Variants in RALGPS1 observed in about 807,000 individuals in gnomAD.
The protein encoded by RALGPS1 is ras-specific guanine nucleotide-releasing factor RalGPS1.
Under a neutral mutation model 78.8 loss-of-function variants are expected in RALGPS1, and 19 were observed. That is an observed-to-expected ratio of 0.24 (90% CI 0.17 to 0.35). The LOEUF is 0.35. Ranked by LOEUF, RALGPS1 falls within the 10% of genes least tolerant of loss-of-function variation. The pLI is 1.00. For synonymous variants in RALGPS1, 228 were observed against 256.3 expected (o/e 0.89, Z 1.06); for missense variants, 454 against 688.3 (o/e 0.66, Z 3.81).
intron 1 of RALGPS1, among the ~76,000 whole-genome samples, chr9:126,921,138 G>T (rs556678183): frequency 4.6e-5 from 7 of 152,346 alleles, no homozygotes; most frequent in African/African-American, 1.4e-4. Flanking sequence ...GAACCAAGAA[G>T]CACCTCTTGA....
chr9:127,103,594 G>C (rs139496742), intron 8 of RALGPS1, among the ~76,000 whole-genome samples: 6 of 152,312 alleles, frequency 3.9e-5, no homozygotes, highest in African/African-American at 1.2e-4. Flanking sequence ...TCAGGTGCAC[G>C]TTGTACTTTC....
chr9:127,033,779 T>C lies in RALGPS1; in HGVS notation c.217-652T>C, dbSNP rs140080115. 7.9e-3 allele frequency among the ~76,000 whole-genome samples: 1,203 copies of C among 152,340 alleles called. 12 individuals carry two copies. The highest frequency in any genetic ancestry group is 0.051 in the South Asian group (244 of 4,826). ...TCCCTTGGCTAAGAGCCAGCCTTAC[T>C]GATAAATAAAATCTAGATAATTCAG... is the stretch of plus-strand genomic sequence containing the variant. On this transcript the variant is annotated intron_variant, in intron 4 of 18. Transcript: ENST00000259351.
chr9:127,180,382 C>T (rs970979025), intron 11 of RALGPS1, among the ~76,000 whole-genome samples: 3 of 152,226 alleles, frequency 2.0e-5, no homozygotes, highest in Non-Finnish European at 2.9e-5. Context: ...GACACACCTG[C>T]GTGTCTCCCT....
chr9:127,073,466 C>CTGTGTGTGTGTGTG (rs58611833), intron 8 of RALGPS1, among the ~76,000 whole-genome samples: 4,460 of 142,862 alleles, frequency 0.031, 89 homozygotes, highest in East Asian at 0.043. Flanking sequence ...GTGTGTGTGT[C>CTGTGTGTGTGTGTG]TGTGTGTGTG....
chr9:127,197,761 G>A (rs1203269660), intron 13 of RALGPS1, among the ~76,000 whole-genome samples: 2 of 152,164 alleles, frequency 1.3e-5, no homozygotes, highest in Non-Finnish European at 2.9e-5. Context: ...AGAGTTCCAG[G>A]TCATGCATGG....
At chr9:126,939,128 A>G (rs1431334233) in intron 1 of RALGPS1, among the ~76,000 whole-genome samples, 1 of 152,176 alleles carries the variant, frequency 6.6e-6, no homozygotes, top group Non-Finnish European at 1.5e-5. Context: ...TGTTCCCCTG[A>G]TGGGCTCTGT....
At chr9:127,000,881 A>T (rs1268548152) in intron 4 of RALGPS1, among the ~76,000 whole-genome samples, 1 of 151,610 alleles carries the variant, frequency 6.6e-6, no homozygotes, top group East Asian at 1.9e-4. Context: ...ATTCCATTGT[A>T]GTTAGAGAAC....
In RALGPS1 at chr9:127,044,929, T is replaced by A. The variant is rs527454550; in HGVS notation, c.301-5114T>A. Among the ~76,000 whole-genome samples, 5 of 152,348 alleles carry A rather than the reference T, an allele frequency of 3.3e-5. No homozygotes were observed. The East Asian group carries it at 9.6e-4, about 29-fold the overall frequency. ...AGCAAAGAAAATGTTCTTGCTAGCATAAATCAAGTTATCAACATGATTATA... is the reference window on the plus strand; with the variant it reads ...AGCAAAGAAAATGTTCTTGCTAGCAAAAATCAAGTTATCAACATGATTATA... On this transcript the variant is annotated intron_variant, in intron 5 of 18. Coordinates refer to ENST00000259351, the MANE Select transcript of RALGPS1 (RefSeq NM_014636.3).
intron 4 of RALGPS1, among the ~76,000 whole-genome samples, chr9:127,003,061 C>G (rs2043492050): frequency 6.6e-6 from 1 of 152,170 alleles, no homozygotes; most frequent in Non-Finnish European, 1.5e-5. Context: ...ACAGTCCCAC[C>G]AACAGTGTAA....
rs1398837676 is a variant in RALGPS1, at chr9:126,982,893, T to G, written c.216+5148T>G. ...TTCTTCCTCTTCCCCTTCCCCTTCT[T>G]CTCTTCTTTTCTTCTTCTTCTTCTT... is the stretch of plus-strand genomic sequence containing the variant. On this transcript the variant is annotated intron_variant, in intron 4 of 18. Transcript: ENST00000259351. Among the ~76,000 whole-genome samples the G allele has an allele frequency of 1.2e-4, 18 of 144,482 alleles. No homozygotes were observed. In the East Asian group the frequency reaches 3.6e-3, roughly 29 times the overall value. 94.8% of individuals were successfully genotyped at this position (144,482 alleles called of 152,430 possible).
At chr9:126,941,235 C>CTA (rs1425792262) in intron 1 of RALGPS1, among the ~76,000 whole-genome samples, 2 of 151,220 alleles carry the variant, frequency 1.3e-5, no homozygotes, top group East Asian at 4.0e-4. Context: ...TGGATAAGAT[C>CTA]TAGTATTTGA....
In RALGPS1 at chr9:126,918,130, A is replaced by G. The variant is rs556783238; in HGVS notation, c.-66+3155A>G. Reference sequence around the variant, plus strand: ...TATGGTTTCTGTACCCTTAACATACATTTTATTTATTGCACAAAAATATTG... The same window carrying G: ...TATGGTTTCTGTACCCTTAACATACGTTTTATTTATTGCACAAAAATATTG... On this transcript the variant is annotated intron_variant, in intron 1 of 18. Coordinates refer to ENST00000259351, the MANE Select transcript of RALGPS1 (RefSeq NM_014636.3). Among the ~76,000 whole-genome samples, 28 of 152,324 alleles carry G rather than the reference A, an allele frequency of 1.8e-4. No homozygotes were observed. The Middle Eastern group carries it at 0.01, about 56-fold the overall frequency.
chr9:126,946,928 T>C (rs1216834850), intron 1 of RALGPS1, among the ~76,000 whole-genome samples: 1 of 152,144 alleles, frequency 6.6e-6, no homozygotes, highest in African/African-American at 2.4e-5. Context: ...TGCAGGCACC[T>C]TGTTTTGGAA....
At chr9:127,025,479 A>G (rs1349658967) in intron 4 of RALGPS1, among the ~76,000 whole-genome samples, 1 of 152,120 alleles carries the variant, frequency 6.6e-6, no homozygotes, top group Non-Finnish European at 1.5e-5. Flanking sequence ...ACTTGATGGG[A>G]AGCTGCCCAC....
chr9:126,981,200 A>G (rs543938718), intron 4 of RALGPS1, among the ~76,000 whole-genome samples: 51 of 152,340 alleles, frequency 3.3e-4, no homozygotes, highest in Middle Eastern at 3.4e-3. Flanking sequence ...ATGAGGAGTT[A>G]TGGTGAGACC....
chr9:127,067,396 G>T (rs1336377289), intron 7 of RALGPS1, among the ~76,000 whole-genome samples: 1 of 152,190 alleles, frequency 6.6e-6, no homozygotes, highest in Non-Finnish European at 1.5e-5. Flanking sequence ...CACTGCTCCT[G>T]TGCAAGTGGG....
intron 5 of RALGPS1, among the ~76,000 whole-genome samples, chr9:127,049,726 C>T (rs144515640): frequency 6.6e-6 from 1 of 152,204 alleles, no homozygotes; most frequent in Non-Finnish European, 1.5e-5. Flanking sequence ...CAGTCTGATT[C>T]ATCTCAGGAT....
intron 8 of RALGPS1, among the ~76,000 whole-genome samples, chr9:127,081,934 G>A (rs1223844426): frequency 6.6e-6 from 1 of 152,214 alleles, no homozygotes; most frequent in Non-Finnish European, 1.5e-5. Flanking sequence ...TCCCAGTGTG[G>A]GCTGAGCTGG....
chr9:127,064,534 A>G (rs1418834622), intron 7 of RALGPS1, among the ~76,000 whole-genome samples: 1 of 152,194 alleles, frequency 6.6e-6, no homozygotes, highest in South Asian at 2.1e-4. Context: ...CCACACCCCA[A>G]TTATTCCCCA....
Sources: gnomAD v4.1 joint callset for allele counts (sites outside exome capture counted in the v4.1 genomes callset) on GRCh38, gnomAD v4.1.1 for gene constraint, MANE v1.5 for transcripts, NCBI Gene and HGNC (gene_info 2026-07-23, HGNC 2026-07-21) for gene names.